Variants in CLASP1 observed in about 807,000 individuals in gnomAD.
The protein encoded by CLASP1 is cytoplasmic linker associated protein 1.
A neutral mutation model predicts 192.3 loss-of-function variants in CLASP1; 38 were observed. That is an observed-to-expected ratio of 0.20 (90% CI 0.15 to 0.26). The LOEUF is 0.26. CLASP1 is among the 10% of genes least tolerant of loss of function. The pLI is 1.00. For missense variants in CLASP1, 1,433 were observed against 1,932.5 expected (o/e 0.74, Z 4.85); for synonymous variants, 691 against 712.8 (o/e 0.97, Z 0.49).
rs200919471 is a variant in CLASP1, at chr2:121,382,502, TACAA to T, written c.3375-182_3375-179del. Among the ~76,000 whole-genome samples, 217 of 152,320 alleles carry T rather than the reference TACAA, an allele frequency of 1.4e-3. 1 individual carries two copies. The highest frequency in any genetic ancestry group is 0.014 in the Admixed American group (209 of 15,302). On this transcript the variant is annotated intron_variant, in intron 32 of 39. Transcript: ENST00000263710. ...ACAGAGAAAAGAACAAATTTTGTTT[TACAA>T]TTTGGTCCTCGATGAGACTGCTTTA...
chr2:121,346,633 G>C (rs866292822), intron 39 of CLASP1, among the ~76,000 whole-genome samples: 1 of 152,238 alleles, frequency 6.6e-6, no homozygotes, highest in African/African-American at 2.4e-5. Flanking sequence ...CTGCCCTGTA[G>C]GCTCAAGGTG....
intron 2 of CLASP1, among the ~76,000 whole-genome samples, chr2:121,588,038 T>C (rs987543587): frequency 2.1e-5 from 3 of 144,784 alleles, no homozygotes; most frequent in African/African-American, 7.7e-5. Context: ...GCCAGGTGTA[T>C]TGGTACTACC....
At chr2:121,349,363 A>G (rs887216462) in intron 37 of CLASP1, among the ~76,000 whole-genome samples, 1 of 152,204 alleles carries the variant, frequency 6.6e-6, no homozygotes, top group African/African-American at 2.4e-5. Flanking sequence ...AGACCTGCTC[A>G]CTCAGAGATG....
chr2:121,339,025 G>A (rs1212870258), exon 40 of CLASP1: 1 of 152,504 alleles, frequency 6.6e-6, no homozygotes, highest in African/African-American at 2.4e-5. Context: ...TTGAGCCAAA[G>A]CTCGTCAGTA....
chr2:121,640,999 C>G (rs573282505), intron 1 of CLASP1, among the ~76,000 whole-genome samples: 5 of 152,140 alleles, frequency 3.3e-5, no homozygotes, highest in Non-Finnish European at 7.3e-5. Context: ...GCTGGGAGAA[C>G]ACTATGACTT....
At chr2:121,379,182 C>T (rs72828990) in intron 33 of CLASP1, among the ~76,000 whole-genome samples, 7,324 of 151,208 alleles carry the variant, frequency 0.048, 265 homozygotes, top group Middle Eastern at 0.095. Flanking sequence ...ATAAAACCCA[C>T]CTTTCCTGAT....
intron 2 of CLASP1, among the ~76,000 whole-genome samples, chr2:121,557,216 T>C (rs549043168): frequency 3.8e-4 from 58 of 152,330 alleles, no homozygotes; most frequent in African/African-American, 1.3e-3. Flanking sequence ...GTTCAGATGA[T>C]AAGTTTTGTT....
chr2:121,545,115 T>C (rs904749017), intron 2 of CLASP1, among the ~76,000 whole-genome samples: 16 of 152,112 alleles, frequency 1.1e-4, no homozygotes, highest in African/African-American at 3.9e-4. Context: ...TTTCACTATG[T>C]TGGCCAGGTT....
chr2:121,416,511 A>G lies in CLASP1; in HGVS notation c.2320+2111T>C, dbSNP rs145080514. Among the ~76,000 whole-genome samples the G allele has an allele frequency of 9.8e-5, 15 of 152,312 alleles. No homozygotes were observed. The East Asian group carries it at 2.9e-3, about 29-fold the overall frequency. On this transcript the variant is annotated intron_variant, in intron 23 of 39. Transcript: ENST00000263710. ...TTTCCAAAAAGGGTGGGAAGAGATT[A>G]TTAAAATGAATGAGCTAAAGAAGGA...
At chr2:121,454,056 A>G (rs1201975917) in intron 14 of CLASP1, among the ~76,000 whole-genome samples, 1 of 152,170 alleles carries the variant, frequency 6.6e-6, no homozygotes. Context: ...GGGTGGCGGC[A>G]TTTCTATTGT....
At chr2:121,531,120 G>GCAAGTAAAGTT in intron 2 of CLASP1, 1 of 628,952 alleles carries the variant, frequency 1.6e-6, no homozygotes, top group Non-Finnish European at 2.9e-6. Context: ...TTTTAGTGTC[G>GCAAGTAAAGTT]CAAGTAAAGT....
chr2:121,528,574 A>G (rs1194442265), intron 4 of CLASP1, 103 bp downstream of exon 4: 3 of 848,718 alleles, frequency 3.5e-6, no homozygotes, highest in Non-Finnish European at 6.1e-6. Context: ...CATCAGCTTA[A>G]GTCTATGGAG....
intron 8 of CLASP1, among the ~76,000 whole-genome samples, chr2:121,490,686 C>T (rs1382138275): frequency 2.6e-5 from 4 of 152,170 alleles, no homozygotes; most frequent in Admixed American, 1.3e-4. Context: ...GCAGCTTATG[C>T]GACTTATGCT....
chr2:121,639,234 G>A (rs953769678), intron 1 of CLASP1, among the ~76,000 whole-genome samples: 4 of 151,720 alleles, frequency 2.6e-5, no homozygotes, highest in Non-Finnish European at 5.9e-5. Flanking sequence ...CCAAGATTGC[G>A]ACACTGCACT....
intron 2 of CLASP1, 49 bp downstream of exon 2, chr2:121,605,652 C>T (rs2064337858): frequency 2.1e-6 from 3 of 1,442,064 alleles, no homozygotes; most frequent in Non-Finnish European, 2.9e-6. Context: ...TTTTGATCTA[C>T]CAGTGCAGCC....
intron 7 of CLASP1, chr2:121,503,900 A>C (rs2093847155): frequency 6.6e-6 from 1 of 152,172 alleles, no homozygotes; most frequent in Non-Finnish European, 1.5e-5. Context: ...AAGGTGGGAG[A>C]ATGCAATCAT....
intron 2 of CLASP1, among the ~76,000 whole-genome samples, chr2:121,531,194 A>G (rs1339280039): frequency 5.9e-5 from 9 of 152,256 alleles, no homozygotes; most frequent in African/African-American, 2.2e-4. Flanking sequence ...CTTTAACTTT[A>G]CGCCGATCAT....
At chr2:121,346,527 G>A (rs1012934560) in intron 39 of CLASP1, among the ~76,000 whole-genome samples, 1 of 152,242 alleles carries the variant, frequency 6.6e-6, no homozygotes, top group Admixed American at 6.5e-5. Context: ...CTGCCTCCTG[G>A]AGTCAGGTCT....
chr2:121,361,617 A>G (rs912361384), intron 37 of CLASP1, among the ~76,000 whole-genome samples: 1 of 152,026 alleles, frequency 6.6e-6, no homozygotes, highest in Non-Finnish European at 1.5e-5. Flanking sequence ...TTTTAGGCTC[A>G]TTGGCTATTG....
Sources: gnomAD v4.1 joint callset for allele counts (sites outside exome capture counted in the v4.1 genomes callset) on GRCh38, gnomAD v4.1.1 for gene constraint, MANE v1.5 for transcripts, NCBI Gene and HGNC (gene_info 2026-07-23, HGNC 2026-07-21) for gene names.